The following PGM5 variants were observed in gnomAD, a reference collection of about 807,000 sequenced individuals.
The protein encoded by PGM5 is phosphoglucomutase-like protein 5.
PGM5 carries 23 observed loss-of-function variants against 59.2 expected under a neutral mutation model. The observed-to-expected ratio is 0.39, with a 90% CI of 0.28 to 0.55. PGM5 has a LOEUF of 0.55. Among genes scored for constraint, PGM5 ranks in the 20% least tolerant of loss-of-function variants. The pLI, the probability that PGM5 is intolerant of heterozygous loss-of-function variation, is 0.66. For missense variants in PGM5, 574 were observed against 748.3 expected (o/e 0.77, Z 2.72); for synonymous variants, 214 against 286.0 (o/e 0.75, Z 2.54).
intron 10 of PGM5, among the ~76,000 whole-genome samples, chr9:68,502,416 T>C (rs1587220674): frequency 6.6e-6 from 1 of 152,206 alleles, no homozygotes. Context: ...GCTGCTATTA[T>C]TAGCTTCTCG....
chr9:68,362,209 A>G (rs1554676319), intron 1 of PGM5, among the ~76,000 whole-genome samples: 2 of 151,720 alleles, frequency 1.3e-5, no homozygotes, highest in Non-Finnish European at 2.9e-5. Context: ...CCTTCCGGGA[A>G]GGCAGAACAT....
chr9:68,460,382 C>T (rs530501998), intron 6 of PGM5, among the ~76,000 whole-genome samples: 36 of 152,264 alleles, frequency 2.4e-4, no homozygotes, highest in Middle Eastern at 3.4e-3. Flanking sequence ...TTTTAAGGTA[C>T]TTTTGTATCT....
chr9:68,509,228 T>C (rs771634852), intron 10 of PGM5, among the ~76,000 whole-genome samples: 5 of 152,188 alleles, frequency 3.3e-5, no homozygotes, highest in Non-Finnish European at 5.9e-5. Flanking sequence ...TGTTTTTGAC[T>C]CCCAGGAACG....
intron 7 of PGM5, among the ~76,000 whole-genome samples, chr9:68,476,578 C>T (rs189147005): frequency 6.6e-6 from 1 of 152,312 alleles, no homozygotes; most frequent in Admixed American, 6.5e-5. Context: ...GCCCCCAAAT[C>T]CACTCCAAAG....
intron 9 of PGM5, among the ~76,000 whole-genome samples, chr9:68,490,520 A>G (rs553450354): frequency 6.6e-6 from 1 of 152,206 alleles, no homozygotes; most frequent in African/African-American, 2.4e-5. Flanking sequence ...ATACCCGGCT[A>G]ATTTTTGTAT....
chr9:68,458,897 C>G (rs552456798), intron 6 of PGM5, among the ~76,000 whole-genome samples: 1 of 152,174 alleles, frequency 6.6e-6, no homozygotes, highest in South Asian at 2.1e-4. Context: ...ATATATGAAC[C>G]AGGTAGGCTT....
chr9:68,434,316 C>CAAAAAAAA (rs71353054), intron 6 of PGM5, among the ~76,000 whole-genome samples: 5 of 90,850 alleles, frequency 5.5e-5, no homozygotes, highest in Admixed American at 1.5e-4. Context: ...GACTCCGTCT[C>CAAAAAAAA]AAAAAAAAAA....
At chr9:68,502,113 G>A (rs547931186) in intron 10 of PGM5, among the ~76,000 whole-genome samples, 1 of 152,310 alleles carries the variant, frequency 6.6e-6, no homozygotes, top group South Asian at 2.1e-4. Context: ...GGTAAGGAGA[G>A]GATGGGCCGG....
At chr9:68,373,496 A>T (rs1821793015) in intron 1 of PGM5, among the ~76,000 whole-genome samples, 1 of 152,266 alleles carries the variant, frequency 6.6e-6, no homozygotes, top group Non-Finnish European at 1.5e-5. Context: ...TTAATAAGAT[A>T]AAAATGTATC....
At chr9:68,403,787 T>G (rs1212858708) in intron 6 of PGM5, among the ~76,000 whole-genome samples, 5 of 151,610 alleles carry the variant, frequency 3.3e-5, no homozygotes, top group Non-Finnish European at 5.9e-5. Flanking sequence ...GGGGTAGGGG[T>G]GGGGGTAGGG....
intron 10 of PGM5, among the ~76,000 whole-genome samples, chr9:68,521,537 G>T (rs1327127675): frequency 1.3e-5 from 2 of 152,166 alleles, no homozygotes; most frequent in African/African-American, 4.8e-5. Flanking sequence ...TAAAGGCAGA[G>T]GAGATCCTAA....
intron 1 of PGM5, among the ~76,000 whole-genome samples, chr9:68,373,083 C>T (rs538283240): frequency 6.7e-6 from 1 of 149,918 alleles, no homozygotes; most frequent in South Asian, 2.2e-4. Flanking sequence ...ACAGGAATGG[C>T]TGGGGGAAAG....
chr9:68,502,591 A>G (rs1469802959), intron 10 of PGM5, among the ~76,000 whole-genome samples: 1 of 152,246 alleles, frequency 6.6e-6, no homozygotes, highest in African/African-American at 2.4e-5. Flanking sequence ...CTTTCAAGGC[A>G]GAATACAGTC....
At chr9:68,466,103 T>C in intron 7 of PGM5, 1 of 1,278,156 alleles carries the variant, frequency 7.8e-7, no homozygotes. Flanking sequence ...TGATGACAAA[T>C]GAGCTCTTAC....
At chr9:68,477,629 A>G (rs923355938) in intron 7 of PGM5, among the ~76,000 whole-genome samples, 12 of 152,246 alleles carry the variant, frequency 7.9e-5, no homozygotes, top group Non-Finnish European at 1.6e-4. Flanking sequence ...ATAAAATTAC[A>G]TGAATAACCA....
chr9:68,406,682 A>ATG (rs1451164352), intron 6 of PGM5, among the ~76,000 whole-genome samples: 5 of 39,346 alleles, frequency 1.3e-4, no homozygotes, highest in African/African-American at 5.7e-4. Context: ...ATATATGTAT[A>ATG]TATATATATA....
chr9:68,410,345 T>C (rs1158479202), intron 6 of PGM5, among the ~76,000 whole-genome samples: 1 of 152,180 alleles, frequency 6.6e-6, no homozygotes, highest in Non-Finnish European at 1.5e-5. Context: ...CTTATTAAGA[T>C]AGAAGGGGAT....
chr9:68,479,817 C>T (rs1824165048), intron 8 of PGM5, among the ~76,000 whole-genome samples: 1 of 151,412 alleles, frequency 6.6e-6, no homozygotes, highest in Non-Finnish European at 1.5e-5. Context: ...GCCTGTAGTC[C>T]CAGCTACTTG....
Position 68,530,793 on chromosome 9 carries a change from T to G in PGM5, c.*1137T>G, listed in dbSNP as rs538715064. On this transcript the variant is annotated 3_prime_UTR_variant, in exon 11 of 11. Coordinates refer to ENST00000396396, the MANE Select transcript of PGM5 (RefSeq NM_021965.4). ...GTACTGCCGGTCTAGCAGCCTCCTCTGTACTCAGCCAGGACACCCAGCGCG... is the reference window on the plus strand; with the variant it reads ...GTACTGCCGGTCTAGCAGCCTCCTCGGTACTCAGCCAGGACACCCAGCGCG... 1 of 152,252 alleles carries G rather than the reference T, an allele frequency of 6.6e-6. No individual in the cohort carries two copies. Among genetic ancestry groups the G allele is most frequent in the African/African-American group, 2.4e-5 (1 of 41,448 alleles). The allele number at this position is 152,252 out of a possible 1,614,324, so 9.4% of individuals were successfully genotyped here.
Sources: allele counts gnomAD v4.1 joint callset (sites outside exome capture counted in the v4.1 genomes callset), GRCh38; gene constraint gnomAD v4.1.1; transcripts MANE v1.5; gene names NCBI Gene and HGNC (gene_info 2026-07-23, HGNC 2026-07-21).